LRIF1: variants seen among roughly 807,000 people sequenced by gnomAD.
The protein encoded by LRIF1 is ligand dependent nuclear receptor interacting factor 1, also known as ligand-dependent nuclear receptor-interacting factor 1.
Under a neutral mutation model 52.7 loss-of-function variants are expected in LRIF1, and 32 were observed. The observed-to-expected ratio is 0.61, with a 90% CI of 0.46 to 0.82. LRIF1 has a LOEUF of 0.82. Among genes scored for constraint, LRIF1 ranks in the 40% least tolerant of loss-of-function variants. LRIF1 has a pLI of 0.00. For missense variants in LRIF1, 887 were observed against 892.0 expected, an observed-to-expected ratio of 0.99 and a Z score of 0.07; for synonymous variants, 323 against 317.4, an observed-to-expected ratio of 1.02 and a Z score of -0.19.
chr1:110,879,886 C>G, the LRIF1 span, among the ~76,000 whole-genome samples: 1 of 152,082 alleles, frequency 6.6e-6, no homozygotes, highest in Non-Finnish European at 1.5e-5. Flanking sequence ...GTTCTTGAAG[C>G]CTCTATCCAA....
chr1:110,951,410 C>A lies in LRIF1; in HGVS notation c.1474G>T (p.Val492Leu). ...TTTCTAGCATAAATGACGGCTGTTA[C>A]TTTTCTGGGGGCATTGTGTCCTGTA... ...FSTGHNAPRK[V>L]TAVIYARKGS... Residue 492 changes from valine (V) to leucine (L), a missense_variant, in exon 2 of 4, where the codon GTA becomes TTA. Physicochemically the swap from Val to Leu is conservative, Grantham distance 32. Coordinates refer to ENST00000369763, the MANE Select transcript of LRIF1 (RefSeq NM_018372.4). 2 of 1,614,048 alleles carry A rather than the reference C, an allele frequency of 1.2e-6. No individual in the cohort carries two copies. Among genetic ancestry groups the A allele is most frequent in the Non-Finnish European group, 8.5e-7 (1 of 1,179,968 alleles).
the LRIF1 span, among the ~76,000 whole-genome samples, chr1:110,903,951 G>A: frequency 1.3e-5 from 2 of 152,194 alleles, no homozygotes; most frequent in East Asian, 3.9e-4. Context: ...GCTGACTTAT[G>A]AGTACTTGGA....
At chr1:110,900,358 GTTTGTTGTT>G in the LRIF1 span, among the ~76,000 whole-genome samples, 1 of 152,100 alleles carries the variant, frequency 6.6e-6, no homozygotes, top group African/African-American at 2.4e-5. Context: ...AGAAGCCACA[GTTTGTTGTT>G]TTTGTTGTTG....
the LRIF1 span, among the ~76,000 whole-genome samples, chr1:110,934,308 G>A: frequency 1.3e-5 from 2 of 152,192 alleles, no homozygotes; most frequent in Admixed American, 6.5e-5. Context: ...CTTGAGAAAA[G>A]CAGAAGGAAA....
the LRIF1 span, among the ~76,000 whole-genome samples, chr1:110,882,719 G>T: frequency 4.6e-5 from 7 of 151,902 alleles, no homozygotes; most frequent in Admixed American, 4.6e-4. Flanking sequence ...TCCATTATTT[G>T]CATCTTTTCA....
chr1:110,948,465 C>A (rs1570938182), intron 3 of LRIF1, 66 bp from the exon 4 acceptor site: 1 of 1,498,244 alleles, frequency 6.7e-7, no homozygotes, highest in East Asian at 2.4e-5. Context: ...CGGGTACTAC[C>A]AAACTTAACA....
Position 110,951,546 on chromosome 1 carries a change from T to A in LRIF1, c.1338A>T (p.Lys446Asn). 1 of 1,614,158 alleles carries A rather than the reference T, an allele frequency of 6.2e-7. No homozygotes were observed. Among genetic ancestry groups the A allele is most frequent in the Non-Finnish European group, 8.5e-7 (1 of 1,180,008 alleles). ...SMANLRAEKN[K>N]VEKPSPSTTN... ...TGGTAGAAGGAGATGGTTTCTCCAC[T>A]TTATTCTTCTCTGCCCTTAGATTGG... Residue 446 changes from lysine to asparagine, a missense_variant, in exon 2 of 4, where the codon AAA becomes AAT. Transcript: ENST00000369763.
intron 1 of LRIF1, among the ~76,000 whole-genome samples, chr1:110,954,740 G>GCTGTAGC (rs1173820817): frequency 2.0e-5 from 3 of 152,154 alleles, no homozygotes; most frequent in African/African-American, 7.2e-5. Flanking sequence ...GGGTCAGTAA[G>GCTGTAGC]CTGTAGCCTC....
the LRIF1 span, among the ~76,000 whole-genome samples, chr1:110,914,668 A>G: frequency 6.6e-6 from 1 of 152,052 alleles, no homozygotes; most frequent in African/African-American, 2.4e-5. Flanking sequence ...CAGGAGAATC[A>G]CTTGAACCCA....
chr1:110,908,826 C>T, the LRIF1 span, among the ~76,000 whole-genome samples: 55 of 152,252 alleles, frequency 3.6e-4, no homozygotes, highest in African/African-American at 1.2e-3. Context: ...AGGATATTGT[C>T]CACGAAAATT....
chr1:110,898,332 G>A, the LRIF1 span, among the ~76,000 whole-genome samples: 51 of 149,372 alleles, frequency 3.4e-4, no homozygotes, highest in Non-Finnish European at 6.4e-4. Flanking sequence ...AGTCAAGATC[G>A]TGCCACTGCA....
the LRIF1 span, among the ~76,000 whole-genome samples, chr1:110,918,852 A>G: frequency 1.3e-5 from 2 of 152,148 alleles, no homozygotes. Context: ...CACTCAGATT[A>G]AGAGCCAACC....
At chr1:110,935,456 T>C in the LRIF1 span, among the ~76,000 whole-genome samples, 2 of 152,192 alleles carry the variant, frequency 1.3e-5, no homozygotes, top group Non-Finnish European at 2.9e-5. Context: ...GAGAAGGAAT[T>C]CAGAATTTGA....
the LRIF1 span, among the ~76,000 whole-genome samples, chr1:110,909,024 CTCT>C: frequency 6.6e-6 from 1 of 152,072 alleles, no homozygotes; most frequent in Non-Finnish European, 1.5e-5. Context: ...AACAGTGGAC[CTCT>C]TAGCAGAAAC....
At chr1:110,906,981 A>G in the LRIF1 span, among the ~76,000 whole-genome samples, 1 of 152,204 alleles carries the variant, frequency 6.6e-6, no homozygotes, top group African/African-American at 2.4e-5. Context: ...TGTTTCAGGG[A>G]CAGGTTAAAC....
Position 110,951,781 on chromosome 1 carries a change from G to A in LRIF1, c.1103C>T (p.Ala368Val), listed in dbSNP as rs1298913132. The A allele has an allele frequency of 1.2e-6, 2 of 1,612,462 alleles. No individual in the cohort carries two copies. Among genetic ancestry groups the A allele is most frequent in the Non-Finnish European group, 1.7e-6 (2 of 1,179,956 alleles). ...VMFNGKVYLL[A>V]KKGTDVLPSQ... is the part of the protein sequence containing the mutation. The stretch of plus-strand genomic sequence containing the variant: ...TGGCAGAACATCTGTCCCCTTTTTA[G>A]CCAACAGATAGACTTTCCCATTAAA... The change falls in exon 2 of 4, where the codon GCT becomes GTT. Residue 368 changes from alanine to valine, a missense_variant. Coordinates refer to ENST00000369763, the MANE Select transcript of LRIF1 (RefSeq NM_018372.4).
the LRIF1 span, among the ~76,000 whole-genome samples, chr1:110,886,263 T>C: frequency 6.6e-6 from 1 of 152,174 alleles, no homozygotes; most frequent in South Asian, 2.1e-4. Context: ...TGTCTTTTTT[T>C]CCCCTGGTTG....
At chr1:110,913,837 C>A in the LRIF1 span, among the ~76,000 whole-genome samples, 1 of 152,150 alleles carries the variant, frequency 6.6e-6, no homozygotes, top group South Asian at 2.1e-4. Context: ...AAGACACACA[C>A]ACTTGTATGT....
chr1:110,929,471 A>G, the LRIF1 span, among the ~76,000 whole-genome samples: 1 of 152,164 alleles, frequency 6.6e-6, no homozygotes, highest in Non-Finnish European at 1.5e-5. Flanking sequence ...CTGATGTAAG[A>G]TGGTATCTCA....
Sources: gnomAD v4.1 joint callset for allele counts (sites outside exome capture counted in the v4.1 genomes callset) on GRCh38, gnomAD v4.1.1 for gene constraint, MANE v1.5 for transcripts, NCBI Gene and HGNC (gene_info 2026-07-23, HGNC 2026-07-21) for gene names.